The following PDE10A variants were observed in gnomAD, a reference collection of about 807,000 sequenced individuals.
PDE10A encodes the protein cAMP and cAMP-inhibited cGMP 3',5'-cyclic phosphodiesterase 10A.
In PDE10A, 39 loss-of-function variants were observed where a neutral mutation model predicts 97.7. That is an observed-to-expected ratio of 0.40 (90% CI 0.31 to 0.52). The LOEUF is 0.52. Among genes scored for constraint, PDE10A ranks in the 20% least tolerant of loss-of-function variants. The pLI is 0.56. For synonymous variants in PDE10A, 371 were observed against 376.8 expected (o/e 0.98, Z 0.18); for missense variants, 731 against 1,047.8 (o/e 0.70, Z 4.17).
At chr6:165,647,305 G>A (rs1270005571) in intron 1 of PDE10A, among the ~76,000 whole-genome samples, 5 of 152,216 alleles carry the variant, frequency 3.3e-5, no homozygotes, top group Non-Finnish European at 7.3e-5. Flanking sequence ...TGCCCCCGGA[G>A]CTGCCAGCGG....
At chr6:165,799,643 TCA>T (rs938325446) in intron 1 of PDE10A, among the ~76,000 whole-genome samples, 11 of 152,192 alleles carry the variant, frequency 7.2e-5, no homozygotes, top group African/African-American at 2.2e-4. Flanking sequence ...CACCAGATTT[TCA>T]CAGTTTCCAA....
intron 1 of PDE10A, among the ~76,000 whole-genome samples, chr6:165,566,237 A>C (rs1784772725): frequency 6.6e-6 from 1 of 152,254 alleles, no homozygotes; most frequent in African/African-American, 2.4e-5. Context: ...ATTAATAAGA[A>C]AACAAACAAC....
At chr6:165,559,169 G>T (rs6456002) in intron 1 of PDE10A, among the ~76,000 whole-genome samples, 1 of 152,046 alleles carries the variant, frequency 6.6e-6, no homozygotes, top group East Asian at 1.9e-4. Context: ...TATAAAAGGT[G>T]GTGAAGGATT....
intron 3 of PDE10A, among the ~76,000 whole-genome samples, chr6:165,469,397 C>A (rs1778854207): frequency 6.6e-6 from 1 of 152,154 alleles, no homozygotes; most frequent in African/African-American, 2.4e-5. Flanking sequence ...GAGTGACGCT[C>A]CACACGGGTT....
At chr6:165,894,149 G>A in intron 1 of PDE10A, 2 of 365,346 alleles carry the variant, frequency 5.5e-6, no homozygotes, top group South Asian at 4.1e-5. Flanking sequence ...CTGGGTGTTT[G>A]TTCAATATGA....
chr6:165,771,493 A>G (rs983338683), intron 1 of PDE10A, among the ~76,000 whole-genome samples: 8 of 152,222 alleles, frequency 5.3e-5, no homozygotes, highest in African/African-American at 1.9e-4. Flanking sequence ...ACCCAAAGAG[A>G]AGACACCTGG....
rs181625272 is a variant in PDE10A, at chr6:165,466,837, C to A, written c.1023+15478G>T. 7.2e-5 allele frequency among the ~76,000 whole-genome samples: 11 copies of A among 152,186 alleles called. No homozygotes were observed. In the East Asian group the frequency reaches 1.4e-3, roughly 19 times the overall value. ...GAGTCACATGTGTTTCACTTTAAATCAAAAACTAGAAATAAGTAAACCTAG... is the reference window on the plus strand; with the variant it reads ...GAGTCACATGTGTTTCACTTTAAATAAAAAACTAGAAATAAGTAAACCTAG... On this transcript the variant is annotated intron_variant, in intron 3 of 21. Transcript: ENST00000539869.
chr6:165,515,672 C>T (rs747223634), intron 2 of PDE10A, among the ~76,000 whole-genome samples: 3 of 151,810 alleles, frequency 2.0e-5, no homozygotes, highest in African/African-American at 4.8e-5. Context: ...TACAGGCATG[C>T]GCCATCATGC....
At chr6:165,874,560 C>T (rs552377146) in intron 1 of PDE10A, among the ~76,000 whole-genome samples, 98 of 152,218 alleles carry the variant, frequency 6.4e-4, no homozygotes, top group Non-Finnish European at 1.3e-3. Context: ...TAGATGACTA[C>T]AAAACAGTTT....
At chr6:165,738,332 G>C (rs1372002145) in intron 1 of PDE10A, among the ~76,000 whole-genome samples, 2 of 151,736 alleles carry the variant, frequency 1.3e-5, no homozygotes, top group Non-Finnish European at 2.9e-5. Context: ...TCCCTACAAA[G>C]GACATGAACT....
chr6:165,964,046 C>T (rs1583360301), intron 1 of PDE10A, among the ~76,000 whole-genome samples: 2 of 152,362 alleles, frequency 1.3e-5, no homozygotes, highest in South Asian at 4.1e-4. Flanking sequence ...TTAAAACGTA[C>T]AGATGTAAAG....
chr6:165,738,411 A>C, intron 1 of PDE10A, among the ~76,000 whole-genome samples: 1 of 150,054 alleles, frequency 6.7e-6, no homozygotes, highest in Non-Finnish European at 1.5e-5. Context: ...CCAGTCTATC[A>C]TTGTTGGACA....
intron 1 of PDE10A, among the ~76,000 whole-genome samples, chr6:165,560,934 C>T (rs1290579900): frequency 3.3e-5 from 5 of 152,032 alleles, no homozygotes; most frequent in African/African-American, 1.2e-4. Flanking sequence ...AAGTGTGTAG[C>T]ATGGGCTGGG....
chr6:165,419,409 T>C (rs1788542190), intron 10 of PDE10A, among the ~76,000 whole-genome samples: 1 of 152,206 alleles, frequency 6.6e-6, no homozygotes, highest in Non-Finnish European at 1.5e-5. Context: ...CTCCTCACAA[T>C]AACAATATTA....
chr6:165,513,846 C>T (rs576010378), intron 2 of PDE10A, among the ~76,000 whole-genome samples: 1 of 151,856 alleles, frequency 6.6e-6, no homozygotes, highest in Non-Finnish European at 1.5e-5. Flanking sequence ...GTACATTGAC[C>T]ATGTAGCCTG....
intron 1 of PDE10A, among the ~76,000 whole-genome samples, chr6:165,579,302 GC>G (rs1452449902): frequency 6.6e-6 from 1 of 152,194 alleles, no homozygotes; most frequent in South Asian, 2.1e-4. Context: ...ATTGATTGAA[GC>G]CAGGAATGCC....
intron 1 of PDE10A, among the ~76,000 whole-genome samples, chr6:165,923,374 G>A (rs554470233): frequency 1.3e-5 from 2 of 152,360 alleles, no homozygotes; most frequent in African/African-American, 4.8e-5. Context: ...GGTGTTCAGA[G>A]CAGTGACCAC....
intron 2 of PDE10A, among the ~76,000 whole-genome samples, chr6:165,538,694 G>A (rs1342526827): frequency 1.3e-5 from 2 of 152,066 alleles, no homozygotes; most frequent in African/African-American, 4.8e-5. Flanking sequence ...AAGGTAAGTC[G>A]TGATTCTTCC....
chr6:165,915,531 C>T (rs900685562), intron 1 of PDE10A, among the ~76,000 whole-genome samples: 1 of 152,094 alleles, frequency 6.6e-6, no homozygotes, highest in African/African-American at 2.4e-5. Flanking sequence ...CACAACAGGA[C>T]AGGGGAAGGG....
Sources: gnomAD v4.1 joint callset for allele counts (sites outside exome capture counted in the v4.1 genomes callset) on GRCh38, gnomAD v4.1.1 for gene constraint, MANE v1.5 for transcripts, NCBI Gene and HGNC (gene_info 2026-07-23, HGNC 2026-07-21) for gene names.